The following DCC variants were observed in gnomAD, a reference collection of about 807,000 sequenced individuals.
DCC encodes the protein DCC netrin 1 receptor, also known as netrin receptor DCC.
DCC carries 58 observed loss-of-function variants against 172.5 expected under a neutral mutation model. That is an observed-to-expected ratio of 0.34 (90% confidence interval 0.27 to 0.42). The LOEUF (loss-of-function observed/expected upper bound fraction) is 0.42. DCC is among the 10% of genes least tolerant of loss of function. The pLI, the probability that DCC is intolerant of heterozygous loss-of-function variation, is 1.00. For missense variants in DCC, 1,740 were observed against 1,791.0 expected, an observed-to-expected ratio of 0.97 and a Z score of 0.51; for synonymous variants, 709 against 644.5, an observed-to-expected ratio of 1.10 and a Z score of -1.52.
At chr18:52,716,832 AT>A (rs2036391845) in intron 1 of DCC, among the ~76,000 whole-genome samples, 1 of 152,040 alleles carries the variant, frequency 6.6e-6, no homozygotes, top group Non-Finnish European at 1.5e-5. Flanking sequence ...ATAGGTAACC[AT>A]TTTTTCATCT....
intron 1 of DCC, among the ~76,000 whole-genome samples, chr18:52,685,196 T>G (rs2035811288): frequency 6.6e-6 from 1 of 152,190 alleles, no homozygotes; most frequent in Non-Finnish European, 1.5e-5. Flanking sequence ...GCTTATCTTA[T>G]GCTTAAATTT....
At chr18:52,376,515 G>A (rs1184228128) in intron 1 of DCC, among the ~76,000 whole-genome samples, 2 of 149,942 alleles carry the variant, frequency 1.3e-5, no homozygotes, top group Non-Finnish European at 3.0e-5. Flanking sequence ...GTGTATATGT[G>A]TGTACATGCA....
chr18:52,868,308 G>A (rs753868604), intron 2 of DCC, among the ~76,000 whole-genome samples: 4 of 152,020 alleles, frequency 2.6e-5, no homozygotes, highest in Non-Finnish European at 4.4e-5. Context: ...TTAATGGAGA[G>A]GGCATAGAGG....
chr18:53,478,950 G>A (rs746522010), intron 25 of DCC, among the ~76,000 whole-genome samples: 9 of 152,166 alleles, frequency 5.9e-5, no homozygotes, highest in Non-Finnish European at 8.8e-5. Context: ...TATAAGGTGC[G>A]AGAAACCAGC....
At chr18:52,563,516 T>C (rs115021005) in intron 1 of DCC, among the ~76,000 whole-genome samples, 256 of 152,174 alleles carry the variant, frequency 1.7e-3, no homozygotes, top group African/African-American at 5.3e-3. Context: ...CAGGCACACA[T>C]AAGGATGGGA....
rs75677816 is a variant in DCC at position 52,366,095 on chromosome 18, A to G, written c.91+25217A>G. Among the ~76,000 whole-genome samples, 1,068 of 152,254 alleles carry G rather than the reference A, an allele frequency of 7.0e-3. 18 individuals carry two copies. The highest frequency in any genetic ancestry group is 0.022 in the African/African-American group (909 of 41,538). Reference sequence around the variant, plus strand: ...TGTAATGCCTATCATTTTTACGTATATGAAGGAGAAGAGAGAGATTTTAGC... The same window carrying G: ...TGTAATGCCTATCATTTTTACGTATGTGAAGGAGAAGAGAGAGATTTTAGC... On this transcript the variant is annotated intron_variant, in intron 1 of 28. Transcript: ENST00000442544.
intron 1 of DCC, among the ~76,000 whole-genome samples, chr18:52,534,489 A>T (rs937159000): frequency 6.6e-6 from 1 of 152,104 alleles, no homozygotes; most frequent in Non-Finnish European, 1.5e-5. Flanking sequence ...CATTTCCCAG[A>T]CCCTCCCTAT....
At chr18:52,496,943 C>G (rs999889006) in intron 1 of DCC, among the ~76,000 whole-genome samples, 1 of 151,482 alleles carries the variant, frequency 6.6e-6, no homozygotes, top group Non-Finnish European at 1.5e-5. Context: ...GAGAAAAGAG[C>G]CACTTTACAT....
chr18:52,706,891 C>A (rs2036220718), intron 1 of DCC, among the ~76,000 whole-genome samples: 1 of 152,000 alleles, frequency 6.6e-6, no homozygotes, highest in South Asian at 2.1e-4. Context: ...GAGTATAGGG[C>A]AAGGGAGATG....
intron 7 of DCC, among the ~76,000 whole-genome samples, chr18:53,100,196 C>T (rs1376484979): frequency 6.6e-6 from 1 of 151,964 alleles, no homozygotes; most frequent in Non-Finnish European, 1.5e-5. Context: ...GATCCACCTA[C>T]CTCAGACTCC....
At chr18:52,842,814 G>A (rs1385460882) in intron 2 of DCC, among the ~76,000 whole-genome samples, 1 of 152,128 alleles carries the variant, frequency 6.6e-6, no homozygotes, top group East Asian at 1.9e-4. Context: ...TTTCCTAACA[G>A]GGACCTGCAA....
chr18:52,962,312 C>T (rs2040855116), intron 5 of DCC, among the ~76,000 whole-genome samples: 1 of 151,812 alleles, frequency 6.6e-6, no homozygotes, highest in Non-Finnish European at 1.5e-5. Context: ...ACAGACACTT[C>T]TCAAAAGAAG....
At chr18:52,991,094 T>G (rs1419089386) in intron 5 of DCC, among the ~76,000 whole-genome samples, 1 of 152,178 alleles carries the variant, frequency 6.6e-6, no homozygotes, top group Non-Finnish European at 1.5e-5. Flanking sequence ...AAAGCTTACC[T>G]ACATATGGCT....
chr18:53,441,704 C>T (rs1227662125), intron 22 of DCC, among the ~76,000 whole-genome samples: 1 of 152,152 alleles, frequency 6.6e-6, no homozygotes, highest in African/African-American at 2.4e-5. Context: ...TCAGGTCAAG[C>T]TATCATCATC....
chr18:53,515,219 T>A (rs1598835667), intron 27 of DCC, among the ~76,000 whole-genome samples: 1 of 152,022 alleles, frequency 6.6e-6, no homozygotes, highest in African/African-American at 2.4e-5. Flanking sequence ...TCTCAATAGA[T>A]GCAGAAAAAG....
At chr18:52,564,434 T>G (rs946683974) in intron 1 of DCC, among the ~76,000 whole-genome samples, 1 of 152,138 alleles carries the variant, frequency 6.6e-6, no homozygotes, top group African/African-American at 2.4e-5. Flanking sequence ...GTTTTCCTCA[T>G]GTTTTCAACT....
At chr18:53,100,578 A>T (rs1025130173) in intron 7 of DCC, among the ~76,000 whole-genome samples, 7 of 151,968 alleles carry the variant, frequency 4.6e-5, no homozygotes, top group Admixed American at 6.6e-5. Context: ...GTCAGAGAAA[A>T]GAAAGATAGA....
At chr18:53,393,582 G>A (rs1349952632) in intron 17 of DCC, among the ~76,000 whole-genome samples, 1 of 152,094 alleles carries the variant, frequency 6.6e-6, no homozygotes, top group Non-Finnish European at 1.5e-5. Context: ...ACTTTTAGAA[G>A]GCTACTTTCT....
chr18:53,398,678 C>T (rs1451387013), intron 18 of DCC, among the ~76,000 whole-genome samples: 2 of 152,074 alleles, frequency 1.3e-5, no homozygotes, highest in South Asian at 4.1e-4. Context: ...TTTTTCCTCT[C>T]ATAAACATAA....
Sources: gnomAD v4.1 joint callset for allele counts (sites outside exome capture counted in the v4.1 genomes callset) on GRCh38, gnomAD v4.1.1 for gene constraint, MANE v1.5 for transcripts, NCBI Gene and HGNC (gene_info 2026-07-23, HGNC 2026-07-21) for gene names.